The following NPY2R variants were observed in gnomAD, a reference collection of about 807,000 sequenced individuals.
NPY2R encodes the protein neuropeptide Y receptor Y2, also known as neuropeptide Y receptor type 2.
A neutral mutation model predicts 22.3 loss-of-function variants in NPY2R; 17 were observed. The observed-to-expected ratio is 0.76, with a 90% CI of 0.52 to 1.14. The LOEUF (loss-of-function observed/expected upper bound fraction) is 1.14. NPY2R is among the 50% of genes most tolerant of loss of function. The pLI is 0.00. For synonymous variants in NPY2R, 209 were observed against 183.4 expected, an observed-to-expected ratio of 1.14 and a Z score of -1.13; for missense variants, 424 against 467.9, an observed-to-expected ratio of 0.91 and a Z score of 0.87.
chr4:155,211,811 C>T (rs576908649), intron 1 of NPY2R, among the ~76,000 whole-genome samples: 1 of 152,260 alleles, frequency 6.6e-6, no homozygotes. Flanking sequence ...GTGACCAAGG[C>T]CCCCGGAACA....
Position 155,216,414 on chromosome 4 carries a change from T to G in NPY2R, c.*1329T>G, listed in dbSNP as rs1349692250. The G allele has an allele frequency of 6.0e-6, 1 of 166,812 alleles. No homozygotes were observed. Among genetic ancestry groups the G allele is most frequent in the Non-Finnish European group, 1.5e-5 (1 of 68,038 alleles). The allele number at this position is 166,812 out of a possible 1,614,324, so 10.3% of individuals were successfully genotyped here. The stretch of plus-strand genomic sequence containing the variant: ...AAAAACCTTCTATGTTCATAAAAAA[T>G]AACAACTGAGATGTTAAAATAGTCA... On this transcript the variant is annotated 3_prime_UTR_variant, in exon 2 of 2. Coordinates refer to ENST00000329476, the MANE Select transcript of NPY2R (RefSeq NM_000910.4).
chr4:155,191,613 G>A, the NPY2R span, among the ~76,000 whole-genome samples: 1 of 151,840 alleles, frequency 6.6e-6, no homozygotes, highest in South Asian at 2.1e-4. Flanking sequence ...AGATACTTAT[G>A]TTTTCTCCTT....
At chr4:155,185,044 A>ATATAT in the NPY2R span, among the ~76,000 whole-genome samples, 17,414 of 140,430 alleles carry the variant, frequency 0.12, 1,103 homozygotes, top group South Asian at 0.16. Flanking sequence ...ATATATATAT[A>ATATAT]TTTTTTTTTT....
the NPY2R span, among the ~76,000 whole-genome samples, chr4:155,199,821 T>A: frequency 6.6e-6 from 1 of 152,160 alleles, no homozygotes; most frequent in Non-Finnish European, 1.5e-5. Context: ...AAACTGAAAC[T>A]GGACCCCTTC....
At position 155,214,770 on chromosome 4, in the gene NPY2R, T is replaced by A; in HGVS notation, c.831T>A (p.Phe277Leu). Residue 277 changes from phenylalanine to leucine, a missense_variant, in exon 2 of 2, where the codon TTT becomes TTA. Physicochemically the swap from Phe to Leu is conservative, Grantham distance 22. Coordinates refer to ENST00000329476, the MANE Select transcript of NPY2R (RefSeq NM_000910.4). Reference sequence around the variant, plus strand: ...TGCTGGTGTGTGTGGTGGTGGTGTTTGCGGTCAGCTGGCTGCCTCTCCATG... The same window carrying A: ...TGCTGGTGTGTGTGGTGGTGGTGTTAGCGGTCAGCTGGCTGCCTCTCCATG... ...TKMLVCVVVV[F>L]AVSWLPLHAF... The A allele has an allele frequency of 6.2e-7, 1 of 1,614,024 alleles. No homozygotes were observed. Among genetic ancestry groups the A allele is most frequent in the South Asian group, 1.1e-5 (1 of 91,076 alleles).
the NPY2R span, among the ~76,000 whole-genome samples, chr4:155,193,335 T>C: frequency 6.6e-5 from 10 of 151,974 alleles, no homozygotes; most frequent in African/African-American, 2.4e-4. Context: ...GCATAACAGG[T>C]ATTTAAATCC....
chr4:155,176,769 G>C, the NPY2R span, among the ~76,000 whole-genome samples: 14 of 152,090 alleles, frequency 9.2e-5, no homozygotes, highest in Non-Finnish European at 1.9e-4. Context: ...CAAAGTCCAA[G>C]ATCAGGGCAC....
chr4:155,179,856 AG>A, the NPY2R span, among the ~76,000 whole-genome samples: 13,013 of 152,012 alleles, frequency 0.086, 845 homozygotes, highest in South Asian at 0.28. Flanking sequence ...GACCAGTGGA[AG>A]AATCTCACTC....
chr4:155,192,480 T>C, the NPY2R span, among the ~76,000 whole-genome samples: 1 of 152,082 alleles, frequency 6.6e-6, no homozygotes, highest in South Asian at 2.1e-4. Flanking sequence ...ATTTACATTC[T>C]TGATCTAGGT....
chr4:155,214,527 G>A lies in NPY2R; in HGVS notation c.588G>A (p.Pro196=), dbSNP rs780178931. ...AGTATTCGCTGATTGAGATCATCCC[G>A]GACTTTGAGATTGTGGCCTGTACTG... ...FREYSLIEII[P]DFEIVACTEK... Residue 196 remains proline (P), a synonymous_variant, in exon 2 of 2, where the codon CCG becomes CCA. Coordinates refer to ENST00000329476, the MANE Select transcript of NPY2R (RefSeq NM_000910.4). The A allele has an allele frequency of 9.3e-6, 15 of 1,614,026 alleles. No individual in the cohort carries two copies. The highest frequency in any genetic ancestry group is 1.6e-4 in the Middle Eastern group (1 of 6,084).
chr4:155,199,320 A>G, the NPY2R span, among the ~76,000 whole-genome samples: 3 of 152,102 alleles, frequency 2.0e-5, no homozygotes, highest in South Asian at 6.2e-4. Flanking sequence ...GGGACATGAA[A>G]GACCTCTGCA....
intron 1 of NPY2R, 99 bp from the exon 2 acceptor site, chr4:155,213,793 C>A: frequency 1.4e-6 from 1 of 699,174 alleles, no homozygotes; most frequent in Non-Finnish European, 2.5e-6. Context: ...AAAATTAAAC[C>A]AGTCCATTTG....
chr4:155,178,395 G>A, the NPY2R span, among the ~76,000 whole-genome samples: 1 of 152,206 alleles, frequency 6.6e-6, no homozygotes, highest in South Asian at 2.1e-4. Context: ...TAATTTTATT[G>A]AGACTCATTT....
the NPY2R span, among the ~76,000 whole-genome samples, chr4:155,185,679 T>C: frequency 6.6e-6 from 1 of 152,146 alleles, no homozygotes; most frequent in Non-Finnish European, 1.5e-5. Flanking sequence ...ATTTTTTTTT[T>C]TTTGTAAATG....
At chr4:155,199,909 C>G in the NPY2R span, among the ~76,000 whole-genome samples, 1 of 152,016 alleles carries the variant, frequency 6.6e-6, no homozygotes, top group African/African-American at 2.4e-5. Context: ...CATAAAAATC[C>G]TAGAGAAAAT....
At chr4:155,180,147 T>C in the NPY2R span, among the ~76,000 whole-genome samples, 1 of 152,036 alleles carries the variant, frequency 6.6e-6, no homozygotes, top group Non-Finnish European at 1.5e-5. Flanking sequence ...CTCAAACTCC[T>C]AGGCTCAGGC....
At chr4:155,211,966 C>T (rs1294015653) in intron 1 of NPY2R, among the ~76,000 whole-genome samples, 2 of 152,114 alleles carry the variant, frequency 1.3e-5, no homozygotes, top group Non-Finnish European at 2.9e-5. Flanking sequence ...CCAGTGCCTC[C>T]CACCGACCAA....
chr4:155,186,504 A>G, the NPY2R span, among the ~76,000 whole-genome samples: 14 of 152,284 alleles, frequency 9.2e-5, no homozygotes, highest in South Asian at 2.5e-3. Context: ...GGTGTACAAC[A>G]TATTTTAATA....
chr4:155,188,224 A>G, the NPY2R span, among the ~76,000 whole-genome samples: 2 of 152,266 alleles, frequency 1.3e-5, no homozygotes. Flanking sequence ...ACCATGTCCA[A>G]AGCTTGATAA....
Sources: gnomAD v4.1 joint callset for allele counts (sites outside exome capture counted in the v4.1 genomes callset) on GRCh38, gnomAD v4.1.1 for gene constraint, MANE v1.5 for transcripts, NCBI Gene and HGNC (gene_info 2026-07-23, HGNC 2026-07-21) for gene names.